SENP6: variants seen among roughly 807,000 people sequenced by gnomAD.
SENP6 encodes sentrin-specific protease 6.
A neutral mutation model predicts 134.5 loss-of-function variants in SENP6; 41 were observed. That is an observed-to-expected ratio of 0.30 (90% CI 0.24 to 0.40). SENP6 has a LOEUF of 0.40. Ranked by LOEUF, SENP6 falls within the 10% of genes least tolerant of loss-of-function variation. The pLI is 1.00. For missense variants in SENP6, 1,248 were observed against 1,312.5 expected (o/e 0.95, Z 0.76); for synonymous variants, 395 against 429.8 (o/e 0.92, Z 1.00).
chr6:75,660,578 G>T (rs1011502747), intron 8 of SENP6, among the ~76,000 whole-genome samples: 1 of 151,830 alleles, frequency 6.6e-6, no homozygotes, highest in Non-Finnish European at 1.5e-5. Context: ...AGACATTCAT[G>T]ACATTCACTT....
intron 5 of SENP6, among the ~76,000 whole-genome samples, chr6:75,640,370 GA>G (rs765568872): frequency 1.3e-5 from 2 of 152,178 alleles, no homozygotes; most frequent in Non-Finnish European, 2.9e-5. Flanking sequence ...GGGGGTCTTG[GA>G]AAGGATCGTT....
At chr6:75,707,091 T>A (rs1282127898) in intron 19 of SENP6, among the ~76,000 whole-genome samples, 2 of 152,140 alleles carry the variant, frequency 1.3e-5, no homozygotes, top group Admixed American at 1.3e-4. Flanking sequence ...GACTGCATCA[T>A]TTAGGTTATT....
At chr6:75,652,698 A>AAAAAAAAAAAAAAAAG (rs1554166656) in intron 7 of SENP6, among the ~76,000 whole-genome samples, 4 of 148,690 alleles carry the variant, frequency 2.7e-5, no homozygotes, top group African/African-American at 7.6e-5. Flanking sequence ...AAAAAAAAAA[A>AAAAAAAAAAAAAAAAG]AAAAAGAAAA....
chr6:75,649,959 A>T (rs185579371), intron 7 of SENP6, among the ~76,000 whole-genome samples: 1 of 152,246 alleles, frequency 6.6e-6, no homozygotes, highest in Non-Finnish European at 1.5e-5. Context: ...AGAAATTGGT[A>T]TAAGATTCTT....
intron 8 of SENP6, among the ~76,000 whole-genome samples, chr6:75,661,921 G>A (rs1771808152): frequency 1.3e-5 from 2 of 152,126 alleles, no homozygotes; most frequent in Admixed American, 1.3e-4. Context: ...GCATGGTGGT[G>A]GGCACCTGTA....
intron 16 of SENP6, among the ~76,000 whole-genome samples, chr6:75,693,652 G>A (rs747629596): frequency 1.1e-4 from 17 of 152,118 alleles, no homozygotes; most frequent in Admixed American, 4.6e-4. Context: ...CTTAAATTAT[G>A]TCATTTTCAT....
intron 16 of SENP6, among the ~76,000 whole-genome samples, chr6:75,692,726 C>T (rs1482276149): frequency 5.3e-5 from 8 of 151,836 alleles, no homozygotes; most frequent in South Asian, 2.1e-4. Context: ...CGCCCCCCAT[C>T]CTCCCCGCAT....
At chr6:75,643,615 G>A (rs1252089870) in intron 6 of SENP6, among the ~76,000 whole-genome samples, 4 of 152,122 alleles carry the variant, frequency 2.6e-5, no homozygotes, top group East Asian at 3.9e-4. Context: ...CCAGCTACTC[G>A]GGAGGTTGAG....
chr6:75,710,221 T>C (rs1301743149), intron 20 of SENP6, among the ~76,000 whole-genome samples: 1 of 152,234 alleles, frequency 6.6e-6, no homozygotes, highest in Non-Finnish European at 1.5e-5. Context: ...GATTTATATG[T>C]GTCATGGCAG....
At position 75,717,272 on chromosome 6, in the gene SENP6, A is replaced by G. The variant is rs1776065576; in HGVS notation, c.*1678A>G. The G allele has an allele frequency of 6.6e-6, 1 of 152,040 alleles. No individual in the cohort carries two copies. Among genetic ancestry groups the G allele is most frequent in the South Asian group, 2.1e-4 (1 of 4,830 alleles). The allele number at this position is 152,040 out of a possible 1,614,324, so 9.4% of individuals were successfully genotyped here. A position where few individuals can be genotyped will look rare whatever the true frequency, so the allele number is the denominator to read the frequency against. On this transcript the variant is annotated 3_prime_UTR_variant, in exon 24 of 24. Coordinates refer to ENST00000447266, the MANE Select transcript of SENP6 (RefSeq NM_015571.4). ...AGCAATAAGCAAAATTGGCATACAT[A>G]ATTTTTTTAATGAACTATATTTTGT...
chr6:75,609,415 C>T (rs1050227674), intron 1 of SENP6, among the ~76,000 whole-genome samples: 9 of 152,346 alleles, frequency 5.9e-5, no homozygotes, highest in East Asian at 3.9e-4. Context: ...ACAGTGTTAA[C>T]GTCTTCCACA....
intron 19 of SENP6, 82 bp from the exon 20 acceptor site, chr6:75,709,441 TTAAC>T (rs1451553172): frequency 7.3e-6 from 6 of 823,482 alleles, no homozygotes; most frequent in South Asian, 5.3e-5. Context: ...GTATCATTAA[TTAAC>T]TACTAGCATT....
chr6:75,676,952 A>G, intron 13 of SENP6, 78 bp from the exon 14 acceptor site: 1 of 724,914 alleles, frequency 1.4e-6, no homozygotes, highest in Non-Finnish European at 2.3e-6. Context: ...CCTGGAAAGA[A>G]TTAATAATTA....
chr6:75,691,388 C>G (rs1774239393), intron 16 of SENP6, among the ~76,000 whole-genome samples: 1 of 152,068 alleles, frequency 6.6e-6, no homozygotes, highest in African/African-American at 2.4e-5. Context: ...ACCACTGTGC[C>G]CAGCCCAAAA....
intron 1 of SENP6, among the ~76,000 whole-genome samples, chr6:75,619,422 CTGAATAACAT>C (rs1472211138): frequency 6.6e-6 from 1 of 150,438 alleles, no homozygotes. Flanking sequence ...CCCTTTAAGG[CTGAATAACAT>C]TCCGTTGTGT....
chr6:75,709,925 C>T (rs536076455), intron 20 of SENP6, among the ~76,000 whole-genome samples: 2 of 152,322 alleles, frequency 1.3e-5, no homozygotes, highest in East Asian at 1.9e-4. Flanking sequence ...ACAAATTCAG[C>T]TTTCAAGTCA....
At chr6:75,659,438 T>A in intron 8 of SENP6, 31 bp downstream of exon 8, 1 of 1,555,474 alleles carries the variant, frequency 6.4e-7, no homozygotes, top group Non-Finnish European at 8.8e-7. Context: ...TTGTTGCTAA[T>A]CAGATTGTGT....
At chr6:75,697,185 C>G (rs968561743) in intron 17 of SENP6, among the ~76,000 whole-genome samples, 3 of 152,178 alleles carry the variant, frequency 2.0e-5, no homozygotes, top group Non-Finnish European at 4.4e-5. Context: ...AGCACTAGAA[C>G]TTCCACCCCT....
chr6:75,686,862 C>T (rs1327440193), intron 16 of SENP6, among the ~76,000 whole-genome samples: 2 of 152,194 alleles, frequency 1.3e-5, no homozygotes, highest in Non-Finnish European at 2.9e-5. Flanking sequence ...GGGAATCTGA[C>T]AATTATGTGG....
Sources: allele counts gnomAD v4.1 joint callset (sites outside exome capture counted in the v4.1 genomes callset), GRCh38; gene constraint gnomAD v4.1.1; transcripts MANE v1.5; gene names NCBI Gene and HGNC (gene_info 2026-07-23, HGNC 2026-07-21).